Variants in LRIG2 observed in about 807,000 individuals in gnomAD.
LRIG2 encodes the protein leucine-rich repeats and immunoglobulin-like domains protein 2.
Under a neutral mutation model 107.8 loss-of-function variants are expected in LRIG2, and 93 were observed. The observed-to-expected ratio is 0.86, with a 90% CI of 0.73 to 1.03. LRIG2 has a LOEUF of 1.03. Ranked by LOEUF, LRIG2 falls within the 50% of genes least tolerant of loss-of-function variation. The probability of loss-of-function intolerance (pLI) is 0.00; values close to 1 mark genes in which losing one functional copy is unlikely to be tolerated. For synonymous variants in LRIG2, 471 were observed against 470.6 expected (o/e 1.00, Z -0.01); for missense variants, 1,226 against 1,296.0 (o/e 0.95, Z 0.83).
At position 113,114,629 on chromosome 1, in the gene LRIG2, TG is replaced by T; in HGVS notation, c.2286del (p.Lys763AsnfsTer19). 6.2e-7 allele frequency: 1 copy of T among 1,614,150 alleles called. No individual in the cohort carries two copies. The highest frequency in any genetic ancestry group is 8.5e-7 in the Non-Finnish European group (1 of 1,180,020). On this transcript the variant is annotated frameshift_variant, in exon 15 of 18. Transcript: ENST00000361127. LOFTEE classifies it high-confidence loss of function. ...TTGTAGATGCCGGGCTAGAAGATGC[TG>T]GGAAATATACCTGCATTATGTCTAA... ...IIVDAGLEDA[G>X]KYTCIMSNTL...
chr1:113,121,370 A>G (rs1570777399), intron 17 of LRIG2, among the ~76,000 whole-genome samples: 1 of 152,170 alleles, frequency 6.6e-6, no homozygotes, highest in East Asian at 1.9e-4. Flanking sequence ...AATGCTGAGC[A>G]TGTGTGTCTT....
rs1377525939 is a variant in LRIG2 at position 113,126,926 on chromosome 1, ATCT to A, written c.*2831_*2833del. 6.4e-6 allele frequency: 1 copy of A among 155,728 alleles called. No homozygotes were observed. Among genetic ancestry groups the A allele is most frequent in the Admixed American group, 6.5e-5 (1 of 15,278 alleles). 9.6% of individuals were successfully genotyped at this position (155,728 alleles called of 1,614,324 possible). ...CCGACTTCTGCACTGGGCCACATCC[ATCT>A]TCTTCATTGTCAGAATCTGAGTTTT... is the stretch of plus-strand genomic sequence containing the variant. On this transcript the variant is annotated 3_prime_UTR_variant, in exon 18 of 18. Coordinates refer to ENST00000361127, the MANE Select transcript of LRIG2 (RefSeq NM_014813.3).
Position 113,114,584 on chromosome 1 carries a change from A to G in LRIG2, c.2238A>G (p.Ala746=), listed in dbSNP as rs754962657. The G allele has an allele frequency of 2.5e-6, 4 of 1,614,098 alleles. No individual in the cohort carries two copies. The Admixed American group carries it at 6.7e-5, about 27-fold the overall frequency. ...TGACAGAACGACATTTCTTTGCTGC[A>G]GCCAATCAGCTTCTCATCATTGTAG... ...LLVTERHFFA[A]ANQLLIIVDA... Residue 746 remains alanine (A), a synonymous_variant, in exon 15 of 18, where the codon GCA becomes GCG. Transcript: ENST00000361127.
intron 6 of LRIG2, 46 bp from the exon 7 acceptor site, chr1:113,095,828 T>G: frequency 6.2e-7 from 1 of 1,608,530 alleles, no homozygotes. Flanking sequence ...GTTATTGAAC[T>G]GCCTTGTTTT....
chr1:113,101,564 A>G (rs1217057793), intron 11 of LRIG2, among the ~76,000 whole-genome samples: 3 of 152,226 alleles, frequency 2.0e-5, no homozygotes, highest in Admixed American at 6.5e-5. Context: ...TTACTGTGAC[A>G]CTTTTGTTGT....
rs781289625 is a variant in LRIG2, at chr1:113,095,849, TTCTTC to T, written c.804-20_804-16del. On this transcript the variant is annotated intron_variant, in intron 6 of 17. Coordinates refer to ENST00000361127, the MANE Select transcript of LRIG2 (RefSeq NM_014813.3). ...GAACTGCCTTGTTTTGGAACGTATTTTCTTCTCTTTCTCTAATTCTGCAGAGAACT... is the reference window on the plus strand; with the variant it reads ...GAACTGCCTTGTTTTGGAACGTATTTTCTTTCTCTAATTCTGCAGAGAACT... 3.1e-6 allele frequency: 5 copies of T among 1,613,592 alleles called. No homozygotes were observed. In the Admixed American group the frequency reaches 8.3e-5, roughly 27 times the overall value.
chr1:113,107,892 C>T lies in LRIG2; in HGVS notation c.1477+135C>T, dbSNP rs1298452087. 24 of 752,688 alleles carry T rather than the reference C, an allele frequency of 3.2e-5. No individual in the cohort carries two copies. The East Asian group carries it at 7.1e-4, about 22-fold the overall frequency. 46.6% of individuals were successfully genotyped at this position (752,688 alleles called of 1,614,324 possible). ...TTTTAATTGCCATTAAAAATGATCA[C>T]AGGCATTTTAATGAATGAAGGCTTT... On this transcript the variant is annotated intron_variant, in intron 12 of 17. Coordinates refer to ENST00000361127, the MANE Select transcript of LRIG2 (RefSeq NM_014813.3).
intron 8 of LRIG2, 23 bp from the exon 9 acceptor site, chr1:113,098,682 G>A: frequency 6.7e-7 from 1 of 1,490,328 alleles, no homozygotes; most frequent in Non-Finnish European, 9.4e-7. Context: ...AATAGCACCT[G>A]TCTTTCTCTG....
In LRIG2 at chr1:113,084,836, G is replaced by GT. The variant is rs1288122201; in HGVS notation, c.240-6476dup. Among the ~76,000 whole-genome samples the GT allele has an allele frequency of 2.0e-5, 3 of 152,112 alleles. No homozygotes were observed. The East Asian group carries it at 5.8e-4, about 29-fold the overall frequency. The stretch of plus-strand genomic sequence containing the variant: ...ATATTAAGTAAAGGCTTAGCAAAAT[G>GT]TTTTTTAGAAATACTCTGAAAGCAT... On this transcript the variant is annotated intron_variant, in intron 1 of 17. Transcript: ENST00000361127.
intron 1 of LRIG2, among the ~76,000 whole-genome samples, chr1:113,090,777 G>T (rs919492515): frequency 6.6e-6 from 1 of 151,588 alleles, no homozygotes; most frequent in Non-Finnish European, 1.5e-5. Context: ...GGCGGAGCTT[G>T]CAGTGAGCCG....
intron 1 of LRIG2, among the ~76,000 whole-genome samples, chr1:113,090,549 T>A (rs536207305): frequency 2.6e-4 from 39 of 152,036 alleles, no homozygotes; most frequent in South Asian, 8.3e-4. Flanking sequence ...ATTAAAAAAA[T>A]TTTTTTGGCT....
At chr1:113,098,638 G>T (rs1035578127) in intron 8 of LRIG2, 67 bp from the exon 9 acceptor site, 1 of 937,544 alleles carries the variant, frequency 1.1e-6, no homozygotes, top group Non-Finnish European at 1.8e-6. Flanking sequence ...ACCATACCAG[G>T]ATACTGCTCA....
At chr1:113,098,917 GTTTC>G in intron 9 of LRIG2, 132 bp downstream of exon 9, 3 of 616,502 alleles carry the variant, frequency 4.9e-6, no homozygotes, top group South Asian at 2.0e-5. Flanking sequence ...GCTCTGTGGG[GTTTC>G]TTTGTTTGTT....
chr1:113,097,256 AAC>A (rs1380787227), intron 8 of LRIG2, among the ~76,000 whole-genome samples: 1 of 151,982 alleles, frequency 6.6e-6, no homozygotes, highest in Non-Finnish European at 1.5e-5. Context: ...AGTAATCTCA[AAC>A]ACAGAGCAGA....
intron 11 of LRIG2, among the ~76,000 whole-genome samples, chr1:113,105,504 A>G (rs1284782960): frequency 6.6e-6 from 1 of 152,218 alleles, no homozygotes; most frequent in African/African-American, 2.4e-5. Context: ...TATTGATGCA[A>G]AGCCTTGTGG....
chr1:113,077,615 G>A (rs565137506), intron 1 of LRIG2, among the ~76,000 whole-genome samples: 3 of 152,126 alleles, frequency 2.0e-5, no homozygotes, highest in South Asian at 2.1e-4. Flanking sequence ...GAACAGATTC[G>A]TTTTTTAGCA....
rs1327260242 is a variant in LRIG2 at position 113,095,946 on chromosome 1, C to G, written c.876C>G (p.Leu292=). The G allele has an allele frequency of 1.9e-6, 3 of 1,614,168 alleles. No individual in the cohort carries two copies. In the East Asian group the frequency reaches 6.7e-5, roughly 36 times the overall value. Residue 292 remains leucine, a synonymous_variant, in exon 7 of 18, where the codon CTC becomes CTG. Transcript: ENST00000361127. Reference sequence around the variant, plus strand: ...ATGGCTTGCGAATGTTACAGCAGCTCTATGTGAGCCAGAATGCTATTGAAA... The same window carrying G: ...ATGGCTTGCGAATGTTACAGCAGCTGTATGTGAGCCAGAATGCTATTGAAA... ...WLYGLRMLQQ[L]YVSQNAIERI...
chr1:113,086,791 G>T (rs1333072446), intron 1 of LRIG2, among the ~76,000 whole-genome samples: 1 of 152,164 alleles, frequency 6.6e-6, no homozygotes, highest in Non-Finnish European at 1.5e-5. Context: ...GCATGAGTGG[G>T]AACTGAGTTT....
At chr1:113,122,322 G>C (rs1655299435) in intron 17 of LRIG2, among the ~76,000 whole-genome samples, 1 of 151,772 alleles carries the variant, frequency 6.6e-6, no homozygotes, top group Non-Finnish European at 1.5e-5. Context: ...CCTGACCTCA[G>C]GTGATCCACC....
Sources: gnomAD v4.1 joint callset for allele counts (sites outside exome capture counted in the v4.1 genomes callset) on GRCh38, gnomAD v4.1.1 for gene constraint, MANE v1.5 for transcripts, NCBI Gene and HGNC (gene_info 2026-07-23, HGNC 2026-07-21) for gene names.